The following SYT1 variants were observed in gnomAD, a reference collection of about 807,000 sequenced individuals.
The protein encoded by SYT1 is synaptotagmin 1, also known as synaptotagmin-1.
Under a neutral mutation model 44.8 loss-of-function variants are expected in SYT1, and 8 were observed. That is an observed-to-expected ratio of 0.18 (90% CI 0.10 to 0.32). The LOEUF (loss-of-function observed/expected upper bound fraction) is 0.32, where lower values mean the gene tolerates loss of function less well. Ranked by LOEUF, SYT1 falls within the 10% of genes least tolerant of loss-of-function variation. The probability of loss-of-function intolerance (pLI) is 1.00; values close to 1 mark genes in which losing one functional copy is unlikely to be tolerated. For missense variants in SYT1, 286 were observed against 509.3 expected (o/e 0.56, Z 4.22); for synonymous variants, 154 against 188.8 (o/e 0.82, Z 1.51).
At chr12:78,947,637 C>T (rs1408211355) in intron 1 of SYT1, among the ~76,000 whole-genome samples, 1 of 151,534 alleles carries the variant, frequency 6.6e-6, no homozygotes, top group African/African-American at 2.4e-5. Flanking sequence ...CTACAGAATA[C>T]AGAAAAGCTA....
At chr12:79,021,593 C>A (rs984337923) in intron 2 of SYT1, among the ~76,000 whole-genome samples, 2 of 151,710 alleles carry the variant, frequency 1.3e-5, no homozygotes, top group Admixed American at 6.6e-5. Flanking sequence ...AAAAAAAGAA[C>A]CATAGCATCA....
chr12:79,313,965 C>T (rs1024489315), intron 8 of SYT1, among the ~76,000 whole-genome samples: 9 of 151,116 alleles, frequency 6.0e-5, no homozygotes, highest in Non-Finnish European at 1.0e-4. Context: ...GTCAGGAGAT[C>T]GAGACCATCC....
chr12:78,987,572 A>G (rs1453122544), intron 2 of SYT1, among the ~76,000 whole-genome samples: 5 of 152,094 alleles, frequency 3.3e-5, no homozygotes, highest in Non-Finnish European at 7.4e-5. Flanking sequence ...CCATGAGGCT[A>G]CACATGACCT....
At chr12:79,158,241 TG>T in intron 3 of SYT1, among the ~76,000 whole-genome samples, 1 of 152,208 alleles carries the variant, frequency 6.6e-6, no homozygotes, top group African/African-American at 2.4e-5. Flanking sequence ...TGGTCCCATC[TG>T]GGGGTGATGG....
intron 4 of SYT1, among the ~76,000 whole-genome samples, chr12:79,246,223 A>G (rs1328440143): frequency 3.9e-5 from 6 of 152,202 alleles, no homozygotes; most frequent in Admixed American, 3.3e-4. Flanking sequence ...GGCAATGTGC[A>G]TAAAAGATAT....
At chr12:79,032,632 T>C (rs1200409338) in intron 2 of SYT1, among the ~76,000 whole-genome samples, 1 of 151,362 alleles carries the variant, frequency 6.6e-6, no homozygotes, top group Admixed American at 6.6e-5. Context: ...ACATTTTAGG[T>C]CATGTTACAA....
intron 9 of SYT1, among the ~76,000 whole-genome samples, chr12:79,362,650 G>A (rs1297339651): frequency 2.6e-5 from 4 of 152,076 alleles, no homozygotes; most frequent in Admixed American, 6.5e-5. Context: ...TAGGAACAGC[G>A]GGACTTTGTG....
chr12:79,442,850 A>G (rs888721880), intron 9 of SYT1, among the ~76,000 whole-genome samples: 3 of 152,190 alleles, frequency 2.0e-5, no homozygotes, highest in Non-Finnish European at 4.4e-5. Context: ...AAAATTTGAA[A>G]GGCTTCGCAG....
intron 4 of SYT1, among the ~76,000 whole-genome samples, chr12:79,245,136 A>G (rs953100630): frequency 6.6e-6 from 1 of 152,028 alleles, no homozygotes; most frequent in Non-Finnish European, 1.5e-5. Flanking sequence ...ACTCAAACAT[A>G]AATAAATAAC....
Position 79,103,141 on chromosome 12 carries a change from A to G in SYT1, c.-18+55779A>G, listed in dbSNP as rs74110143. On this transcript the variant is annotated intron_variant, in intron 3 of 10. Transcript: ENST00000261205. The stretch of plus-strand genomic sequence containing the variant: ...GTATTGACTGTGGCTTTCCCTAAAC[A>G]CAGATAAGTTTTACTTATCGTGGCA... 8.3e-4 allele frequency: 127 copies of G among 152,284 alleles called. 1 individual carries two copies. Among genetic ancestry groups the G allele is most frequent in the African/African-American group, 3.0e-3 (124 of 41,560 alleles). 9.4% of individuals were successfully genotyped at this position (152,284 alleles called of 1,614,324 possible). A position where few individuals can be genotyped will look rare whatever the true frequency, so the allele number is the denominator to read the frequency against.
intron 1 of SYT1, among the ~76,000 whole-genome samples, chr12:78,952,797 A>T (rs1229382361): frequency 1.3e-5 from 2 of 152,124 alleles, no homozygotes; most frequent in South Asian, 4.1e-4. Context: ...TTTCTCCATC[A>T]TGAAAACAGA....
chr12:78,927,971 G>A (rs189323956), intron 1 of SYT1, among the ~76,000 whole-genome samples: 1 of 152,118 alleles, frequency 6.6e-6, no homozygotes, highest in East Asian at 1.9e-4. Flanking sequence ...ATTTCTCCCC[G>A]TGTTCTTCTG....
chr12:79,420,827 T>C (rs1206195290), intron 9 of SYT1, among the ~76,000 whole-genome samples: 4 of 152,240 alleles, frequency 2.6e-5, no homozygotes, highest in East Asian at 3.9e-4. Context: ...GTTTTTCTTC[T>C]AGAATAAAAG....
chr12:79,170,027 C>T (rs1871422415), intron 3 of SYT1, among the ~76,000 whole-genome samples: 2 of 152,072 alleles, frequency 1.3e-5, no homozygotes, highest in Admixed American at 6.6e-5. Context: ...AGGACATGAT[C>T]TCATTCTTTT....
intron 1 of SYT1, among the ~76,000 whole-genome samples, chr12:78,952,875 G>T (rs1879036617): frequency 6.6e-6 from 1 of 151,986 alleles, no homozygotes; most frequent in Admixed American, 6.6e-5. Flanking sequence ...AGGGATTTTT[G>T]TTTTGTTTTG....
chr12:79,341,690 A>G (rs1882382728), intron 8 of SYT1, among the ~76,000 whole-genome samples: 1 of 108,412 alleles, frequency 9.2e-6, no homozygotes, highest in African/African-American at 3.7e-5. Flanking sequence ...TTTTTTTGAG[A>G]CAGAGTCTCG....
chr12:79,165,476 CT>C (rs909599925), intron 3 of SYT1, among the ~76,000 whole-genome samples: 4 of 151,844 alleles, frequency 2.6e-5, no homozygotes, highest in Non-Finnish European at 1.5e-5. Flanking sequence ...GGTATGGTTG[CT>C]GATTTTATTT....
chr12:79,170,049 T>A (rs1047840418), intron 3 of SYT1, among the ~76,000 whole-genome samples: 99 of 152,146 alleles, frequency 6.5e-4, no homozygotes, highest in Non-Finnish European at 1.1e-3. Flanking sequence ...TATGGCTACA[T>A]AGTATTCCGT....
intron 3 of SYT1, among the ~76,000 whole-genome samples, chr12:79,134,252 A>G (rs1459019263): frequency 6.6e-6 from 1 of 152,240 alleles, no homozygotes; most frequent in East Asian, 1.9e-4. Flanking sequence ...ATTTTCCTCA[A>G]TCAATGTAAG....
Sources: allele counts gnomAD v4.1 joint callset (sites outside exome capture counted in the v4.1 genomes callset), GRCh38; gene constraint gnomAD v4.1.1; transcripts MANE v1.5; gene names NCBI Gene and HGNC (gene_info 2026-07-23, HGNC 2026-07-21).